C4orf51: variants seen among roughly 807,000 people sequenced by gnomAD.
C4orf51 encodes the protein uncharacterized protein C4orf51.
In C4orf51, 25 loss-of-function variants were observed where a neutral mutation model predicts 25.2. The ratio of observed to expected loss-of-function variants is 0.99; its 90% CI spans 0.72 to 1.39. The LOEUF is 1.39. Ranked by LOEUF, C4orf51 falls within the 40% of genes most tolerant of loss-of-function variation. The pLI is 0.00. For synonymous variants in C4orf51, 100 were observed against 84.5 expected, an observed-to-expected ratio of 1.18 and a Z score of -1.01; for missense variants, 252 against 239.6, an observed-to-expected ratio of 1.05 and a Z score of -0.34.
intron 1 of C4orf51, among the ~76,000 whole-genome samples, chr4:145,753,003 G>A (rs550629139): frequency 1.7e-3 from 253 of 152,248 alleles, no homozygotes; most frequent in African/African-American, 5.6e-3. Flanking sequence ...CCACGTGGCC[G>A]CTGCTGGGGG....
intron 2 of C4orf51, 52 bp from the exon 3 acceptor site, chr4:145,726,859 T>G: frequency 2.0e-6 from 3 of 1,476,370 alleles, no homozygotes; most frequent in Non-Finnish European, 2.8e-6. Context: ...TGTAAGGAAT[T>G]TTATTCTAAC....
At chr4:145,739,188 C>G (rs1020284573) in intron 1 of C4orf51, among the ~76,000 whole-genome samples, 2 of 152,214 alleles carry the variant, frequency 1.3e-5, no homozygotes, top group Non-Finnish European at 2.9e-5. Context: ...GAAGCATACA[C>G]AAATACTTTG....
intron 1 of C4orf51, among the ~76,000 whole-genome samples, chr4:145,770,675 A>C (rs1157465613): frequency 1.3e-5 from 2 of 152,184 alleles, no homozygotes; most frequent in Non-Finnish European, 2.9e-5. Context: ...GCTCTCAAAA[A>C]ATTCTTGAAA....
the C4orf51 span, among the ~76,000 whole-genome samples, chr4:145,790,922 A>G: frequency 6.6e-6 from 1 of 152,216 alleles, no homozygotes; most frequent in Non-Finnish European, 1.5e-5. Context: ...TAACATTTTA[A>G]GGCAACAGTG....
chr4:145,783,893 G>A, the C4orf51 span, among the ~76,000 whole-genome samples: 16 of 152,312 alleles, frequency 1.1e-4, no homozygotes, highest in African/African-American at 3.6e-4. Flanking sequence ...TCCCAGTATT[G>A]GAGGTGGGGC....
chr4:145,765,823 A>C lies in C4orf51; in HGVS notation n.167-5165A>C. The C allele has an allele frequency of 1.5e-6, 2 of 1,373,632 alleles. No individual in the cohort carries two copies. Among genetic ancestry groups the C allele is most frequent in the South Asian group, 1.4e-5 (1 of 72,404 alleles). 85.1% of individuals were successfully genotyped at this position (1,373,632 alleles called of 1,614,324 possible). Reference sequence around the variant, plus strand: ...AACTGAGGGTGACGAGTTGAGTCTCATGGATGCATCATCATTCTGGGGGCA... The same window carrying C: ...AACTGAGGGTGACGAGTTGAGTCTCCTGGATGCATCATCATTCTGGGGGCA... On this transcript the variant is annotated intron_variant and non_coding_transcript_variant, in intron 1 of 1. Transcript: ENST00000510096. This position sits in a 1 kb window ranked among gnomAD's most constrained non-coding sequence, Gnocchi z 4.7.
intron 1 of C4orf51, among the ~76,000 whole-genome samples, chr4:145,681,232 T>G (rs1428932703): frequency 6.6e-6 from 1 of 152,206 alleles, no homozygotes; most frequent in African/African-American, 2.4e-5. Context: ...TTGGTAAATA[T>G]TTTATCCAAA....
chr4:145,734,970 G>A (rs766216562), downstream of C4orf51, among the ~76,000 whole-genome samples: 45 of 152,348 alleles, frequency 3.0e-4, no homozygotes, highest in Admixed American at 4.6e-4. Flanking sequence ...GGGCCACCCC[G>A]GAGTTTGGAG....
intron 1 of C4orf51, among the ~76,000 whole-genome samples, chr4:145,764,208 G>A (rs1001341813): frequency 6.6e-6 from 1 of 152,188 alleles, no homozygotes; most frequent in Non-Finnish European, 1.5e-5. Context: ...CCTCCTACCT[G>A]TGCTGCTTTC....
intron 2 of C4orf51, among the ~76,000 whole-genome samples, chr4:145,702,538 A>C (rs1730524294): frequency 6.6e-6 from 1 of 152,126 alleles, no homozygotes. Context: ...CACCGTTCTC[A>C]ACTACTCATA....
chr4:145,776,255 G>A, the C4orf51 span, among the ~76,000 whole-genome samples: 2 of 152,012 alleles, frequency 1.3e-5, no homozygotes, highest in Admixed American at 1.3e-4. Flanking sequence ...ACAGGAGCTC[G>A]AGACCAGCCT....
chr4:145,760,434 C>G (rs1241643121), intron 1 of C4orf51: 2 of 153,944 alleles, frequency 1.3e-5, no homozygotes, highest in South Asian at 2.0e-4. Context: ...TAAGGACACT[C>G]TCTTTAGGGT....
rs770679587 is a variant in C4orf51, at chr4:145,762,985, G to A, written n.167-8003G>A. The stretch of plus-strand genomic sequence containing the variant: ...CGGCCTCCTCAGCGCCAAGCTCGCC[G>A]TTAGCCTTTGAACCTCAGCTCACAG... On this transcript the variant is annotated intron_variant and non_coding_transcript_variant, in intron 1 of 1. Coordinates refer to the C4orf51 transcript ENST00000510096. The surrounding 1 kb of genome is among the most constrained non-coding windows in gnomAD (Gnocchi z 4.9). 2.7e-5 allele frequency: 32 copies of A among 1,163,870 alleles called. No individual in the cohort carries two copies. Among genetic ancestry groups the A allele is most frequent in the Middle Eastern group, 5.3e-4 (2 of 3,740 alleles). The allele number at this position is 1,163,870 out of a possible 1,614,324, so 72.1% of individuals were successfully genotyped here.
At chr4:145,744,725 C>A (rs200347870) in intron 1 of C4orf51, among the ~76,000 whole-genome samples, 2 of 151,590 alleles carry the variant, frequency 1.3e-5, no homozygotes, top group Non-Finnish European at 3.0e-5. Context: ...TAGTGGCAGG[C>A]GCCTGTATTC....
At chr4:145,781,195 C>CAAAAAAAACAAAA in the C4orf51 span, among the ~76,000 whole-genome samples, 1 of 56,546 alleles carries the variant, frequency 1.8e-5, no homozygotes. Flanking sequence ...GACACCATCT[C>CAAAAAAAACAAAA]AAAAAAAAAA....
the C4orf51 span, among the ~76,000 whole-genome samples, chr4:145,783,094 T>A: frequency 1.6e-4 from 25 of 152,310 alleles, no homozygotes; most frequent in African/African-American, 6.0e-4. Flanking sequence ...ATATTCTGCA[T>A]ATAAAGCACC....
intron 1 of C4orf51, among the ~76,000 whole-genome samples, chr4:145,749,881 G>A (rs901845777): frequency 6.6e-6 from 1 of 151,946 alleles, no homozygotes; most frequent in African/African-American, 2.4e-5. Context: ...TGATCTGCCC[G>A]CCTCGGCCTC....
rs1006112784 is a variant in C4orf51 at position 145,761,131 on chromosome 4, G to C, written n.167-9857G>C. ...CCCGACCACCAGGAGCGGGGCCCCC[G>C]GGCCGGCCGGTTCCTTGGGGGCTGG... is the stretch of plus-strand genomic sequence containing the variant. On this transcript the variant is annotated intron_variant and non_coding_transcript_variant, in intron 1 of 1. Transcript: ENST00000510096. This position sits in a 1 kb window ranked among gnomAD's most constrained non-coding sequence, Gnocchi z 6.8. 4.7e-6 allele frequency: 6 copies of C among 1,289,644 alleles called. No homozygotes were observed. Among genetic ancestry groups the C allele is most frequent in the Non-Finnish European group, 5.1e-6 (5 of 988,726 alleles). 79.9% of individuals were successfully genotyped at this position (1,289,644 alleles called of 1,614,324 possible).
intron 1 of C4orf51, 26 bp downstream of exon 1, chr4:145,680,462 T>C (rs1197015812): frequency 1.3e-6 from 2 of 1,529,810 alleles, no homozygotes; most frequent in Admixed American, 1.7e-5. Flanking sequence ...AATTTGCACC[T>C]GGATATATCA....
Sources: allele counts gnomAD v4.1 joint callset (sites outside exome capture counted in the v4.1 genomes callset), GRCh38; gene constraint gnomAD v4.1.1; non-coding constraint Gnocchi (gnomAD v3.1); transcripts MANE v1.5; gene names NCBI Gene and HGNC (gene_info 2026-07-23, HGNC 2026-07-21).